DHRSX: variants seen among roughly 807,000 people sequenced by gnomAD.
DHRSX encodes polyprenol dehydrogenase.
DHRSX carries 31 observed loss-of-function variants against 34.0 expected under a neutral mutation model. That is an observed-to-expected ratio of 0.91 (90% CI 0.69 to 1.23). The LOEUF is 1.23. DHRSX is among the 50% of genes most tolerant of loss of function. DHRSX has a pLI of 0.00. For synonymous variants in DHRSX, 201 were observed against 183.8 expected, an observed-to-expected ratio of 1.09 and a Z score of -0.76; for missense variants, 414 against 428.1, an observed-to-expected ratio of 0.97 and a Z score of 0.29.
chrX:2,452,945 T>A (rs2044245635), intron 1 of DHRSX, among the ~76,000 whole-genome samples: 1 of 152,214 alleles, frequency 6.6e-6, no homozygotes, highest in African/African-American at 2.4e-5. Context: ...GCAGCACTAC[T>A]CAGTTTCCAA....
intron 1 of DHRSX, among the ~76,000 whole-genome samples, chrX:2,466,141 GA>G (rs1366334317): frequency 6.6e-6 from 1 of 152,192 alleles, no homozygotes; most frequent in Admixed American, 6.5e-5. Flanking sequence ...ATGGACCCAT[GA>G]AAAAGAATGG....
In DHRSX at chrX:2,303,036, A is replaced by G. The variant is rs182981635; in HGVS notation, c.287-11433T>C. Among the ~76,000 whole-genome samples the G allele has an allele frequency of 1.2e-4, 19 of 152,288 alleles. No individual in the cohort carries two copies. In the East Asian group the frequency reaches 3.7e-3, roughly 29 times the overall value. On this transcript the variant is annotated intron_variant, in intron 3 of 6. Coordinates refer to ENST00000334651, the MANE Select transcript of DHRSX (RefSeq NM_145177.3). ...CAAAAACACTTGTGGGGATGTAAGAAAGAGGAAAACCCATACTACTGCTAA... is the reference window on the plus strand; with the variant it reads ...CAAAAACACTTGTGGGGATGTAAGAGAGAGGAAAACCCATACTACTGCTAA...
intron 3 of DHRSX, among the ~76,000 whole-genome samples, chrX:2,364,630 TTATC>T (rs1169371761): frequency 3.3e-4 from 50 of 152,320 alleles, no homozygotes; most frequent in Middle Eastern, 3.4e-3. Context: ...AAGCATCTAC[TTATC>T]TATCTACCAT....
At chrX:2,417,673 A>C (rs372231390) in intron 2 of DHRSX, among the ~76,000 whole-genome samples, 2 of 152,164 alleles carry the variant, frequency 1.3e-5, no homozygotes, top group African/African-American at 4.8e-5. Flanking sequence ...ACTAGACTTC[A>C]TCATGACCTA....
chrX:2,421,364 A>T (rs1874098464), intron 2 of DHRSX, among the ~76,000 whole-genome samples: 1 of 152,214 alleles, frequency 6.6e-6, no homozygotes, highest in South Asian at 2.1e-4. Context: ...TGGGTGACAG[A>T]GTGAGACGCT....
chrX:2,272,377 G>A (rs2041569358), intron 4 of DHRSX, among the ~76,000 whole-genome samples: 3 of 152,134 alleles, frequency 2.0e-5, no homozygotes, highest in African/African-American at 7.2e-5. Context: ...GGTTTTGAAA[G>A]GCAGCTTCAG....
chrX:2,334,539 A>T (rs1359686397), intron 3 of DHRSX: 1 of 152,052 alleles, frequency 6.6e-6, no homozygotes, highest in South Asian at 2.1e-4. Flanking sequence ...CTGCAGCCTC[A>T]AACTCCTGGG....
At chrX:2,377,514 A>G (rs2043155500) in intron 3 of DHRSX, among the ~76,000 whole-genome samples, 1 of 152,078 alleles carries the variant, frequency 6.6e-6, no homozygotes, top group Non-Finnish European at 1.5e-5. Flanking sequence ...TAATGCGTGC[A>G]GTGGGAAGTG....
At chrX:2,430,281 C>T (rs1352644713) in intron 1 of DHRSX, among the ~76,000 whole-genome samples, 1 of 147,492 alleles carries the variant, frequency 6.8e-6, no homozygotes, top group African/African-American at 2.5e-5. Context: ...AAAAGCATCA[C>T]AGATTGCAGA....
chrX:2,303,899 AAATGGATGGATGGATG>A (rs767328355), intron 3 of DHRSX, among the ~76,000 whole-genome samples: 5,039 of 59,282 alleles, frequency 0.085, 81 homozygotes, highest in African/African-American at 0.13. Flanking sequence ...ATGGATGGAT[AAATGGATGGATGGATG>A]GATGGATGGA....
chrX:2,413,546 A>G (rs1278447879), intron 2 of DHRSX, among the ~76,000 whole-genome samples: 1 of 152,234 alleles, frequency 6.6e-6, no homozygotes, highest in Non-Finnish European at 1.5e-5. Flanking sequence ...CACCATAAAA[A>G]TATGTAACTT....
At chrX:2,485,689 G>T (rs1295318950) in intron 1 of DHRSX, among the ~76,000 whole-genome samples, 7 of 75,886 alleles carry the variant, frequency 9.2e-5, no homozygotes, top group East Asian at 7.9e-4. Flanking sequence ...GGAAAGGGAG[G>T]CAGAGAGGGA....
chrX:2,468,254 C>A (rs1165230898), intron 1 of DHRSX, among the ~76,000 whole-genome samples: 2 of 152,096 alleles, frequency 1.3e-5, no homozygotes, highest in Non-Finnish European at 2.9e-5. Flanking sequence ...CAGACCATTT[C>A]TTGGTAGCAA....
intron 1 of DHRSX, chrX:2,487,781 T>A (rs1296273053): frequency 5.3e-5 from 8 of 151,928 alleles, no homozygotes; most frequent in Admixed American, 1.3e-4. Context: ...TACTCATCTG[T>A]CACATTTTTA....
intron 4 of DHRSX, among the ~76,000 whole-genome samples, chrX:2,269,777 G>T (rs1271344137): frequency 1.3e-5 from 2 of 151,910 alleles, no homozygotes; most frequent in Non-Finnish European, 2.9e-5. Flanking sequence ...TGACCTCAGG[G>T]GATCCGCCCA....
intron 3 of DHRSX, among the ~76,000 whole-genome samples, chrX:2,361,745 T>C (rs1380754481): frequency 6.6e-6 from 1 of 152,210 alleles, no homozygotes; most frequent in Non-Finnish European, 1.5e-5. Context: ...CATGGCATGA[T>C]TCAAATTCTA....
intron 3 of DHRSX, among the ~76,000 whole-genome samples, chrX:2,353,564 GA>G (rs1276038056): frequency 3.3e-5 from 5 of 151,086 alleles, no homozygotes; most frequent in African/African-American, 1.2e-4. Flanking sequence ...GTAGTTTAGG[GA>G]AGGATTATAG....
chrX:2,347,122 T>G (rs1321189273), intron 3 of DHRSX, among the ~76,000 whole-genome samples: 1 of 152,170 alleles, frequency 6.6e-6, no homozygotes, highest in Non-Finnish European at 1.5e-5. Context: ...GATAAAGACA[T>G]ATCTGAGAAT....
chrX:2,409,241 G>A (rs778066384), intron 2 of DHRSX, among the ~76,000 whole-genome samples: 44 of 152,310 alleles, frequency 2.9e-4, no homozygotes, highest in Admixed American at 6.5e-4. Context: ...ATCACAGACC[G>A]TGGTTCCTAC....
Sources: gnomAD v4.1 joint callset for allele counts (sites outside exome capture counted in the v4.1 genomes callset) on GRCh38, gnomAD v4.1.1 for gene constraint, MANE v1.5 for transcripts, NCBI Gene and HGNC (gene_info 2026-07-23, HGNC 2026-07-21) for gene names.